The following KIT variants were observed in gnomAD, a reference collection of about 807,000 sequenced individuals.
The protein encoded by KIT is mast/stem cell growth factor receptor Kit.
Under a neutral mutation model 105.7 loss-of-function variants are expected in KIT, and 16 were observed. The ratio of observed to expected loss-of-function variants is 0.15; its 90% CI spans 0.10 to 0.23. KIT has a LOEUF of 0.23. Among genes scored for constraint, KIT ranks in the 10% least tolerant of loss-of-function variants. The probability of loss-of-function intolerance (pLI) is 1.00; values close to 1 mark genes in which losing one functional copy is unlikely to be tolerated. For synonymous variants in KIT, 438 were observed against 441.1 expected (o/e 0.99, Z 0.09); for missense variants, 858 against 1,213.8 (o/e 0.71, Z 4.36).
intron 7 of KIT, among the ~76,000 whole-genome samples, chr4:54,716,566 T>C (rs886575851): frequency 6.6e-6 from 1 of 152,194 alleles, no homozygotes; most frequent in Non-Finnish European, 1.5e-5. Flanking sequence ...ACCTGGATTT[T>C]TGGTGCTGCA....
rs184229688 is a variant in KIT, at chr4:54,723,845, A to G, written c.1346+147A>G. On this transcript the variant is annotated intron_variant, in intron 8 of 20. Coordinates refer to ENST00000288135, the MANE Select transcript of KIT (RefSeq NM_000222.3). ...CTAGCCATGTGGCTTTTTAGAAGGG[A>G]TAATTGCTATATTTTTCTTGGTAGA... 168 of 650,358 alleles carry G rather than the reference A, an allele frequency of 2.6e-4. 1 individual carries two copies. In the African/African-American group the frequency reaches 2.7e-3, roughly 10 times the overall value. 40.3% of individuals were successfully genotyped at this position (650,358 alleles called of 1,614,324 possible).
chr4:54,716,493 A>C (rs1397855894), intron 7 of KIT, among the ~76,000 whole-genome samples: 1 of 152,182 alleles, frequency 6.6e-6, no homozygotes, highest in Non-Finnish European at 1.5e-5. Context: ...AATATTCTTT[A>C]TTATACATTC....
chr4:54,732,755 A>G (rs1457310559), intron 16 of KIT, among the ~76,000 whole-genome samples: 3 of 152,198 alleles, frequency 2.0e-5, no homozygotes, highest in African/African-American at 7.2e-5. Context: ...AGATGCATGC[A>G]AAATGAATTT....
chr4:54,718,202 G>A (rs1385990264), intron 7 of KIT, among the ~76,000 whole-genome samples: 2 of 152,156 alleles, frequency 1.3e-5, no homozygotes, highest in African/African-American at 2.4e-5. Context: ...CCAGGTTCAA[G>A]CAGTTCTCCT....
intron 1 of KIT, among the ~76,000 whole-genome samples, chr4:54,685,887 C>G (rs1719278037): frequency 6.6e-6 from 1 of 152,204 alleles, no homozygotes; most frequent in African/African-American, 2.4e-5. Flanking sequence ...TCTCCACTTG[C>G]CCACTGCCTT....
At chr4:54,701,601 T>C (rs768147998) in intron 4 of KIT, among the ~76,000 whole-genome samples, 1 of 152,180 alleles carries the variant, frequency 6.6e-6, no homozygotes, top group Non-Finnish European at 1.5e-5. Flanking sequence ...TCCTAACTTA[T>C]GGGCTTTGGG....
chr4:54,676,172 C>G (rs1324251369), intron 1 of KIT, among the ~76,000 whole-genome samples: 3 of 152,104 alleles, frequency 2.0e-5, no homozygotes, highest in South Asian at 2.1e-4. Context: ...GCTGGGTTCC[C>G]GAGTGTGGTC....
chr4:54,682,632 T>G (rs891773523), intron 1 of KIT, among the ~76,000 whole-genome samples: 3 of 152,088 alleles, frequency 2.0e-5, no homozygotes, highest in African/African-American at 7.2e-5. Flanking sequence ...TTTCAGCATA[T>G]TGGCCAAGAC....
chr4:54,708,913 A>G (rs1032378986), intron 6 of KIT, among the ~76,000 whole-genome samples: 3 of 152,202 alleles, frequency 2.0e-5, no homozygotes, highest in African/African-American at 7.2e-5. Flanking sequence ...TGCCAGGAGC[A>G]CTGAGAAGTC....
intron 7 of KIT, among the ~76,000 whole-genome samples, chr4:54,720,439 C>T (rs1184779589): frequency 1.3e-5 from 2 of 152,190 alleles, no homozygotes; most frequent in Non-Finnish European, 2.9e-5. Flanking sequence ...CCAGGTGTCA[C>T]GCTAGAAGGC....
intron 1 of KIT, among the ~76,000 whole-genome samples, chr4:54,682,438 T>C (rs1442867225): frequency 6.6e-6 from 1 of 150,920 alleles, no homozygotes; most frequent in Non-Finnish European, 1.5e-5. Context: ...TTTTTTTTCT[T>C]TTTTTTTTGA....
At chr4:54,711,945 A>AAC (rs1721190480) in intron 7 of KIT, among the ~76,000 whole-genome samples, 1 of 151,934 alleles carries the variant, frequency 6.6e-6, no homozygotes, top group African/African-American at 2.4e-5. Flanking sequence ...AAAAAAAAAA[A>AAC]AGATAATAGT....
chr4:54,735,125 C>G (rs916128498), intron 17 of KIT, among the ~76,000 whole-genome samples: 24 of 152,056 alleles, frequency 1.6e-4, no homozygotes, highest in Admixed American at 1.6e-3. Context: ...ACAGGTACAG[C>G]TGATACTACT....
intron 7 of KIT, among the ~76,000 whole-genome samples, chr4:54,718,447 A>G (rs1035802366): frequency 1.3e-5 from 2 of 152,326 alleles, no homozygotes; most frequent in South Asian, 4.1e-4. Context: ...TAGTTTTAAA[A>G]AATCAGGAGA....
chr4:54,720,448 G>C (rs1205215196), intron 7 of KIT, among the ~76,000 whole-genome samples: 1 of 152,184 alleles, frequency 6.6e-6, no homozygotes, highest in Admixed American at 6.5e-5. Flanking sequence ...ACGCTAGAAG[G>C]CTTGGATGTT....
intron 1 of KIT, among the ~76,000 whole-genome samples, chr4:54,668,962 A>G (rs1717901322): frequency 6.6e-6 from 1 of 152,256 alleles, no homozygotes; most frequent in African/African-American, 2.4e-5. Flanking sequence ...TTTTCCATTT[A>G]AGAAATGGTT....
chr4:54,710,351 A>G lies in KIT; in HGVS notation c.1231+812A>G, dbSNP rs113074785. Among the ~76,000 whole-genome samples, 966 of 152,312 alleles carry G rather than the reference A, an allele frequency of 6.3e-3. 18 individuals are homozygous for G. The highest frequency in any genetic ancestry group is 0.022 in the African/African-American group (928 of 41,566). On this transcript the variant is annotated intron_variant, in intron 7 of 20. Transcript: ENST00000288135. ...CTAGGAGTTCCAAGGGAGTGGCCCA[A>G]TAAATGACTATTGGAATTGGCTTTC...
In KIT at chr4:54,699,759, A is replaced by G. The variant is rs748527429; in HGVS notation, c.749A>G (p.Asn250Ser). 24 of 1,613,580 alleles carry G rather than the reference A, an allele frequency of 1.5e-5. No homozygotes were observed. The highest frequency in any genetic ancestry group is 3.3e-5 in the Admixed American group (2 of 59,976). The change falls in exon 4 of 21, where the codon AAC (asparagine) becomes AGC (serine). Residue 250 changes from asparagine to serine, a missense_variant. Transcript: ENST00000288135. Reference protein sequence around the residue: ...SSVYSTWKRENSQTKLQEKYN... With the variant: ...SSVYSTWKRESSQTKLQEKYN... ...GTGTACTCAACGTGGAAAAGAGAAA[A>G]CAGTCAGGTGAGTGAATCGCTTCAT...
At chr4:54,674,794 C>T (rs10488847) in intron 1 of KIT, among the ~76,000 whole-genome samples, 3,919 of 152,172 alleles carry the variant, frequency 0.026, 169 homozygotes, top group African/African-American at 0.087. Context: ...TGAAATCATC[C>T]GAGTGCCAGG....
Sources: gnomAD v4.1 joint callset for allele counts (sites outside exome capture counted in the v4.1 genomes callset) on GRCh38, gnomAD v4.1.1 for gene constraint, MANE v1.5 for transcripts, NCBI Gene and HGNC (gene_info 2026-07-23, HGNC 2026-07-21) for gene names.